Variants in IGSF5 observed in about 807,000 individuals in gnomAD.
IGSF5 encodes immunoglobulin superfamily 5 like.
In IGSF5, 41 loss-of-function variants were observed where a neutral mutation model predicts 39.4. That is an observed-to-expected ratio of 1.04 (90% CI 0.81 to 1.35). The LOEUF (loss-of-function observed/expected upper bound fraction) is 1.35. Among genes scored for constraint, IGSF5 ranks in the 40% most tolerant of loss-of-function variants. The pLI is 0.00. For synonymous variants in IGSF5, 183 were observed against 175.3 expected (o/e 1.04, Z -0.34); for missense variants, 487 against 494.6 (o/e 0.98, Z 0.15).
At chr21:39,739,250 T>C in the IGSF5 span, among the ~76,000 whole-genome samples, 2 of 149,438 alleles carry the variant, frequency 1.3e-5, no homozygotes, top group East Asian at 1.9e-4. Context: ...TTTTTTCTTC[T>C]GCTTTTTTTT....
rs139706758 is a variant in IGSF5, at chr21:39,787,870, A to G, written c.935-297A>G. Among the ~76,000 whole-genome samples, 260 of 152,280 alleles carry G rather than the reference A, an allele frequency of 1.7e-3. 2 individuals are homozygous for G. The highest frequency in any genetic ancestry group is 8.4e-4 in the Non-Finnish European group (57 of 68,028). ...TGTATAGTCTCACTCATCAAATTCA[A>G]TAGTCACAAAGTAATAAGTAAATAC... is the stretch of plus-strand genomic sequence containing the variant. On this transcript the variant is annotated intron_variant, in intron 5 of 8. Coordinates refer to ENST00000380588, the MANE Select transcript of IGSF5 (RefSeq NM_001080444.2).
intron 2 of IGSF5, among the ~76,000 whole-genome samples, chr21:39,759,203 G>A (rs1013880373): frequency 6.6e-6 from 1 of 152,222 alleles, no homozygotes; most frequent in Admixed American, 6.5e-5. Context: ...AGAGTGTGTT[G>A]CCTGCCTAAG....
rs2087031147 is a variant in IGSF5, at chr21:39,801,773, T to C, written c.*416T>C. 3 of 154,318 alleles carry C rather than the reference T, an allele frequency of 1.9e-5. No individual in the cohort carries two copies. The highest frequency in any genetic ancestry group is 1.9e-4 in the Admixed American group (3 of 15,538). The allele number at this position is 154,318 out of a possible 1,614,324, so 9.6% of individuals were successfully genotyped here. A position where few individuals can be genotyped will look rare whatever the true frequency, so the allele number is the denominator to read the frequency against. On this transcript the variant is annotated 3_prime_UTR_variant, in exon 9 of 9. Coordinates refer to ENST00000380588, the MANE Select transcript of IGSF5 (RefSeq NM_001080444.2). ...TAATATGTAGGGGTATTATTACATA[T>C]TATCAGTGAAATACGAGTATAAAAA...
chr21:39,787,311 A>C (rs2086927963), intron 5 of IGSF5, among the ~76,000 whole-genome samples: 2 of 152,200 alleles, frequency 1.3e-5, no homozygotes, highest in Non-Finnish European at 1.5e-5. Flanking sequence ...GTGTTATTAG[A>C]ATTGAAAATA....
intron 2 of IGSF5, among the ~76,000 whole-genome samples, chr21:39,763,772 C>G (rs142654629): frequency 6.6e-6 from 1 of 152,112 alleles, no homozygotes; most frequent in Non-Finnish European, 1.5e-5. Flanking sequence ...CATCACGGAC[C>G]CTCGGGGCGC....
the IGSF5 span, among the ~76,000 whole-genome samples, chr21:39,739,396 G>A: frequency 8.5e-5 from 13 of 152,058 alleles, no homozygotes; most frequent in Non-Finnish European, 1.9e-4. Context: ...CCCTCTCACT[G>A]TTCTCTCAGG....
At position 39,771,078 on chromosome 21, in the gene IGSF5, GC is replaced by G; in HGVS notation, c.582del (p.Ser194ArgfsTer7). ...AGCTATTATTTTGTTCCGGAGCCCA[GC>G]GACCTTCAAAGTGCAGTGAGCATCC... ...HSSYYFVPEP[S>X]DLQSAVSILA... On this transcript the variant is annotated frameshift_variant, in exon 4 of 9. Transcript: ENST00000380588. LOFTEE classifies it high-confidence loss of function. 6.2e-7 allele frequency: 1 copy of G among 1,613,790 alleles called. No individual in the cohort carries two copies. Among genetic ancestry groups the G allele is most frequent in the Non-Finnish European group, 8.5e-7 (1 of 1,179,880 alleles).
At chr21:39,771,457 C>A (rs1285021343) in intron 4 of IGSF5, among the ~76,000 whole-genome samples, 1 of 152,038 alleles carries the variant, frequency 6.6e-6, no homozygotes, top group African/African-American at 2.4e-5. Context: ...TAGAATCTTG[C>A]CAATTATTTA....
At chr21:39,721,215 T>C in the IGSF5 span, among the ~76,000 whole-genome samples, 2 of 152,180 alleles carry the variant, frequency 1.3e-5, no homozygotes, top group Non-Finnish European at 2.9e-5. Context: ...CCAATAGCAA[T>C]AGCATGACTC....
chr21:39,793,449 T>C lies in IGSF5; in HGVS notation c.1049-85T>C, dbSNP rs1235973084. ...GCCAGCGGTACTACATAAAAGCAAA[T>C]GTGTTTCTTTATAAATCAGAATTGT... On this transcript the variant is annotated intron_variant, in intron 7 of 8. Transcript: ENST00000380588. The C allele has an allele frequency of 3.8e-6, 4 of 1,053,804 alleles. No homozygotes were observed. In the East Asian group the frequency reaches 7.1e-5, roughly 19 times the overall value. 65.3% of individuals were successfully genotyped at this position (1,053,804 alleles called of 1,614,324 possible).
the IGSF5 span, chr21:39,730,609 A>G: frequency 6.6e-6 from 1 of 152,230 alleles, no homozygotes; most frequent in Non-Finnish European, 1.5e-5. Flanking sequence ...AGCTCTTTGC[A>G]TAGCACGAAT....
chr21:39,760,875 G>C (rs999403454), intron 2 of IGSF5, among the ~76,000 whole-genome samples: 3 of 152,038 alleles, frequency 2.0e-5, no homozygotes, highest in African/African-American at 7.2e-5. Flanking sequence ...TGGCTGTCAA[G>C]TCTTAAAATA....
intron 2 of IGSF5, among the ~76,000 whole-genome samples, chr21:39,763,168 G>A (rs759368326): frequency 2.0e-5 from 3 of 152,168 alleles, no homozygotes; most frequent in Non-Finnish European, 2.9e-5. Flanking sequence ...GCACAGCTGC[G>A]GCGTGGTTTA....
At chr21:39,726,907 T>C in the IGSF5 span, among the ~76,000 whole-genome samples, 8 of 151,980 alleles carry the variant, frequency 5.3e-5, no homozygotes. Context: ...TGACCACATA[T>C]GGATGACTTG....
the IGSF5 span, among the ~76,000 whole-genome samples, chr21:39,735,346 T>C: frequency 7.9e-5 from 12 of 152,308 alleles, no homozygotes; most frequent in African/African-American, 2.6e-4. Context: ...AAGTTAGTCA[T>C]TAAAAATTCA....
chr21:39,792,181 C>T, intron 7 of IGSF5, 82 bp downstream of exon 7: 1 of 850,962 alleles, frequency 1.2e-6, no homozygotes, highest in Non-Finnish European at 1.9e-6. Context: ...ACCAGCTGCA[C>T]AGGGAGGCTA....
chr21:39,727,607 G>A, the IGSF5 span: 1 of 152,326 alleles, frequency 6.6e-6, no homozygotes, highest in Middle Eastern at 3.2e-3. Flanking sequence ...TCTAGGACGT[G>A]CGGTGGAGGA....
chr21:39,780,752 G>A (rs558225889), intron 5 of IGSF5, among the ~76,000 whole-genome samples: 1 of 152,328 alleles, frequency 6.6e-6, no homozygotes, highest in South Asian at 2.1e-4. Flanking sequence ...ATAAACACTA[G>A]GTGGGCTTGT....
intron 4 of IGSF5, among the ~76,000 whole-genome samples, chr21:39,778,520 T>G (rs2080152520): frequency 6.6e-6 from 1 of 152,062 alleles, no homozygotes; most frequent in Non-Finnish European, 1.5e-5. Context: ...CCTGAAAAGC[T>G]ATGGAAAAAG....
Sources: gnomAD v4.1 joint callset for allele counts (sites outside exome capture counted in the v4.1 genomes callset) on GRCh38, gnomAD v4.1.1 for gene constraint, MANE v1.5 for transcripts, NCBI Gene and HGNC (gene_info 2026-07-23, HGNC 2026-07-21) for gene names.